EDIL3: variants seen among roughly 807,000 people sequenced by gnomAD.
EDIL3 encodes EGF-like repeat and discoidin I-like domain-containing protein 3.
Under a neutral mutation model 67.4 loss-of-function variants are expected in EDIL3, and 37 were observed. That is an observed-to-expected ratio of 0.55 (90% CI 0.42 to 0.72). The LOEUF (loss-of-function observed/expected upper bound fraction) is 0.72, where lower values mean the gene tolerates loss of function less well. Among genes scored for constraint, EDIL3 ranks in the 30% least tolerant of loss-of-function variants. The pLI is 0.00. For synonymous variants in EDIL3, 195 were observed against 196.3 expected, an observed-to-expected ratio of 0.99 and a Z score of 0.05; for missense variants, 527 against 586.3, an observed-to-expected ratio of 0.90 and a Z score of 1.04.
At chr5:84,267,590 T>A (rs1047940268) in intron 1 of EDIL3, among the ~76,000 whole-genome samples, 1 of 152,198 alleles carries the variant, frequency 6.6e-6, no homozygotes, top group African/African-American at 2.4e-5. Context: ...ATTTTTTGAA[T>A]GGCCACAGCA....
chr5:84,057,033 C>CT (rs1333899209), intron 9 of EDIL3, among the ~76,000 whole-genome samples: 1 of 151,970 alleles, frequency 6.6e-6, no homozygotes, highest in Admixed American at 6.6e-5. Context: ...AATTCTGGGC[C>CT]TTTTTCTTGC....
chr5:84,146,834 A>AT (rs967530974), intron 4 of EDIL3, among the ~76,000 whole-genome samples: 14 of 151,906 alleles, frequency 9.2e-5, no homozygotes, highest in South Asian at 4.2e-4. Flanking sequence ...AAATTTTGTC[A>AT]TTTTTTTTCT....
At chr5:84,059,492 G>T (rs944241217) in intron 9 of EDIL3, among the ~76,000 whole-genome samples, 1 of 152,126 alleles carries the variant, frequency 6.6e-6, no homozygotes. Flanking sequence ...TACAGATTTG[G>T]CAAATCTTGT....
At chr5:84,293,645 TGTG>T (rs1433376247) in intron 1 of EDIL3, among the ~76,000 whole-genome samples, 1 of 151,946 alleles carries the variant, frequency 6.6e-6, no homozygotes, top group African/African-American at 2.4e-5. Flanking sequence ...CAGGTTGTAA[TGTG>T]GTAAAACAAG....
intron 4 of EDIL3, among the ~76,000 whole-genome samples, chr5:84,175,505 A>G (rs1309839965): frequency 4.6e-5 from 7 of 152,216 alleles, no homozygotes; most frequent in Non-Finnish European, 1.0e-4. Context: ...CTTAACACAC[A>G]TCTGTTTAGA....
chr5:84,037,423 A>AT (rs886819586), intron 9 of EDIL3, among the ~76,000 whole-genome samples: 2 of 152,214 alleles, frequency 1.3e-5, no homozygotes, highest in Non-Finnish European at 2.9e-5. Flanking sequence ...TTTTGGAGAC[A>AT]TAAAAAAGTA....
Position 83,943,398 on chromosome 5 carries a change from G to T in EDIL3, c.*21C>A. On this transcript the variant is annotated 3_prime_UTR_variant, in exon 11 of 11. Coordinates refer to ENST00000296591, the MANE Select transcript of EDIL3 (RefSeq NM_005711.5). ...TACTTTTAGGGAAATAGGGAAGAGG[G>T]TTGTGAAATGTAGCCTCCCCTCATT... The T allele has an allele frequency of 6.2e-7, 1 of 1,611,852 alleles. No individual in the cohort carries two copies. The highest frequency in any genetic ancestry group is 8.5e-7 in the Non-Finnish European group (1 of 1,178,806).
chr5:84,160,803 TCCTTTCCTTTCCTTTC>T (rs1258194811), intron 4 of EDIL3, among the ~76,000 whole-genome samples: 103 of 133,774 alleles, frequency 7.7e-4, no homozygotes, highest in African/African-American at 3.0e-3. Flanking sequence ...TCCTTTCCTT[TCCTTTCCTTTCCTTTC>T]CCTTTCCTTT....
intron 9 of EDIL3, among the ~76,000 whole-genome samples, chr5:84,018,109 A>G (rs560280001): frequency 9.2e-5 from 14 of 152,170 alleles, no homozygotes; most frequent in Non-Finnish European, 1.9e-4. Context: ...TGGCTACACA[A>G]ATCTGTAACC....
chr5:84,188,264 G>T (rs1743506511), intron 3 of EDIL3, among the ~76,000 whole-genome samples: 1 of 151,908 alleles, frequency 6.6e-6, no homozygotes, highest in African/African-American at 2.4e-5. Flanking sequence ...TAAAACAATA[G>T]AATTTTATTC....
intron 9 of EDIL3, among the ~76,000 whole-genome samples, chr5:84,043,917 T>A (rs1312915602): frequency 6.6e-6 from 1 of 152,176 alleles, no homozygotes; most frequent in Non-Finnish European, 1.5e-5. Context: ...TTACTTTAAG[T>A]TCTGGGATAC....
chr5:84,234,000 G>A (rs182379328), intron 2 of EDIL3, among the ~76,000 whole-genome samples: 1 of 152,252 alleles, frequency 6.6e-6, no homozygotes, highest in East Asian at 1.9e-4. Context: ...TCTAGTTCTA[G>A]GGAAAATACA....
At chr5:84,317,204 G>A (rs995646990) in intron 1 of EDIL3, among the ~76,000 whole-genome samples, 2 of 152,064 alleles carry the variant, frequency 1.3e-5, no homozygotes, top group Non-Finnish European at 2.9e-5. Flanking sequence ...AAAAGAACTA[G>A]AAAATCAAGA....
At chr5:84,169,713 T>C (rs1748778185) in intron 4 of EDIL3, among the ~76,000 whole-genome samples, 1 of 151,594 alleles carries the variant, frequency 6.6e-6, no homozygotes, top group Admixed American at 6.6e-5. Context: ...GTTGTATGTA[T>C]CAATAGGTCC....
At chr5:84,338,662 A>C (rs1164403016) in intron 1 of EDIL3, among the ~76,000 whole-genome samples, 1 of 152,212 alleles carries the variant, frequency 6.6e-6, no homozygotes, top group African/African-American at 2.4e-5. Context: ...GGATGGGGAA[A>C]TAGAAACTCT....
intron 5 of EDIL3, among the ~76,000 whole-genome samples, chr5:84,127,934 T>A (rs1372505729): frequency 2.0e-5 from 3 of 152,168 alleles, no homozygotes; most frequent in African/African-American, 7.2e-5. Context: ...TAACTAGCTG[T>A]ACTATCTTAT....
chr5:84,088,145 T>A (rs3797661), intron 6 of EDIL3, among the ~76,000 whole-genome samples: 32,434 of 152,166 alleles, frequency 0.21, 3,789 homozygotes, highest in Middle Eastern at 0.3. Context: ...TAAGCCCACA[T>A]GGGCAGAGAA....
At chr5:83,974,334 G>A (rs567260668) in intron 9 of EDIL3, among the ~76,000 whole-genome samples, 28 of 151,756 alleles carry the variant, frequency 1.8e-4, no homozygotes, top group African/African-American at 6.0e-4. Context: ...GTTAGCAGTC[G>A]AAAAACAGCC....
At chr5:84,100,373 A>G (rs1332872447) in intron 6 of EDIL3, among the ~76,000 whole-genome samples, 1 of 152,200 alleles carries the variant, frequency 6.6e-6, no homozygotes, top group African/African-American at 2.4e-5. Flanking sequence ...GCACGTATAC[A>G]CCATGGAATA....
Sources: allele counts gnomAD v4.1 joint callset (sites outside exome capture counted in the v4.1 genomes callset), GRCh38; gene constraint gnomAD v4.1.1; transcripts MANE v1.5; gene names NCBI Gene and HGNC (gene_info 2026-07-23, HGNC 2026-07-21).